Variants in PAPLN observed in about 807,000 individuals in gnomAD.
The protein encoded by PAPLN is papilin.
PAPLN carries 146 observed loss-of-function variants against 159.0 expected under a neutral mutation model. That is an observed-to-expected ratio of 0.92 (90% CI 0.80 to 1.05). The LOEUF is 1.05. Ranked by LOEUF, PAPLN falls within the 50% of genes least tolerant of loss-of-function variation. The pLI, the probability that PAPLN is intolerant of heterozygous loss-of-function variation, is 0.00. For synonymous variants in PAPLN, 734 were observed against 702.9 expected (o/e 1.04, Z -0.70); for missense variants, 1,720 against 1,743.9 (o/e 0.99, Z 0.24).
rs1883337378 is a variant in PAPLN at position 73,239,813 on chromosome 14, C to T, written c.35C>T (p.Ala12Val). The change falls in exon 2 of 27, where the codon GCT (alanine) becomes GTT (valine). Residue 12 changes from alanine (A) to valine (V), a missense_variant. By Grantham distance (64) the Ala-to-Val change is moderately conservative. Transcript: ENST00000644200. ...RLLLLVPLLL[A>V]PAPGSSAPKV... ...CTCCTGCTCGTGCCGCTGCTGCTGG[C>T]TCCAGCGCCCGGGTCCTCGGTGAGT... 6.3e-7 allele frequency: 1 copy of T among 1,593,802 alleles called. No individual in the cohort carries two copies. The highest frequency in any genetic ancestry group is 8.5e-7 in the Non-Finnish European group (1 of 1,175,878).
intron 5 of PAPLN, among the ~76,000 whole-genome samples, chr14:73,247,982 CTCTGTGTGTGTGTGTGTGTG>C (rs1182728598): frequency 1.5e-5 from 1 of 65,214 alleles, no homozygotes; most frequent in Non-Finnish European, 2.7e-5. Context: ...GTCTCATATC[CTCTGTGTGTGTGTGTGTGTG>C]TGTGTGTGTG....
chr14:73,254,356 A>G (rs1885641986), intron 12 of PAPLN, among the ~76,000 whole-genome samples, 157 bp from the exon 13 acceptor site: 1 of 152,142 alleles, frequency 6.6e-6, no homozygotes, highest in African/African-American at 2.4e-5. Flanking sequence ...AGGCTGTGTG[A>G]CCTCAGGGGA....
intron 6 of PAPLN, among the ~76,000 whole-genome samples, chr14:73,250,645 G>A (rs910191743): frequency 1.3e-5 from 2 of 152,118 alleles, no homozygotes; most frequent in Non-Finnish European, 2.9e-5. Context: ...ACCCACATTT[G>A]GGGAGCTCCG....
chr14:73,252,710 C>T lies in PAPLN; in HGVS notation c.1029C>T (p.Cys343=). ...ATGAGGCCTACCCCGACCACATGTG[C>T]CAGCGCCAGCCACGGCCAGCTGACC... ...IDHEAYPDHM[C]QRQPRPADRR... is the part of the protein sequence containing the mutation. Residue 343 remains cysteine, a synonymous_variant, in exon 11 of 27, where the codon TGC becomes TGT. Coordinates refer to ENST00000644200, the MANE Select transcript of PAPLN (RefSeq NM_001365906.3). 1 of 1,613,502 alleles carries T rather than the reference C, an allele frequency of 6.2e-7. No individual in the cohort carries two copies. The highest frequency in any genetic ancestry group is 8.5e-7 in the Non-Finnish European group (1 of 1,180,008).
In PAPLN at chr14:73,249,991, C is replaced by G; in HGVS notation, c.342C>G (p.Asn114Lys). The change falls in exon 6 of 27, where the codon AAC becomes AAG. Residue 114 changes from asparagine to lysine, a missense_variant. Asn to Lys is a moderately conservative substitution (Grantham distance 94). Transcript: ENST00000644200. Reference sequence around the variant, plus strand: ...CCTTCCTGCCCACCCCAGCCCCAAACAAGTGTGAACTGAACTGCATTCCCA... The same window carrying G: ...CCTTCCTGCCCACCCCAGCCCCAAAGAAGTGTGAACTGAACTGCATTCCCA... Reference protein sequence around the residue: ...YRWLPYYSAPNKCELNCIPKG... With the variant: ...YRWLPYYSAPKKCELNCIPKG... The G allele has an allele frequency of 6.2e-7, 1 of 1,606,186 alleles. No individual in the cohort carries two copies.
intron 23 of PAPLN, among the ~76,000 whole-genome samples, chr14:73,266,014 T>G (rs1373981600): frequency 6.6e-6 from 1 of 152,138 alleles, no homozygotes; most frequent in African/African-American, 2.4e-5. Context: ...ATCAGAAAAC[T>G]TGAAATGGTT....
Position 73,259,445 on chromosome 14 carries a change from G to A in PAPLN, c.1885G>A (p.Asp629Asn), listed in dbSNP as rs765414089. 4.4e-5 allele frequency: 71 copies of A among 1,612,430 alleles called. No homozygotes were observed. In the East Asian group the frequency reaches 5.1e-4, roughly 12 times the overall value. The change falls in exon 16 of 27, where the codon GAC becomes AAC. Residue 629 changes from aspartate to asparagine, a missense_variant. Physicochemically the swap from Asp to Asn is conservative, Grantham distance 23. Coordinates refer to ENST00000644200, the MANE Select transcript of PAPLN (RefSeq NM_001365906.3). Reference sequence around the variant, plus strand: ...CCTGCGGTCGGGCTCAGGGCCCCACGACTGCAGACACAGTCCTCACGGGTG... The same window carrying A: ...CCTGCGGTCGGGCTCAGGGCCCCACAACTGCAGACACAGTCCTCACGGGTG... ...QPLRSGSGPHDCRHSPHGCCP... is the reference protein window; with the variant it reads ...QPLRSGSGPHNCRHSPHGCCP...
intron 26 of PAPLN, among the ~76,000 whole-genome samples, chr14:73,269,524 G>T (rs1358606401): frequency 6.6e-6 from 1 of 152,204 alleles, no homozygotes; most frequent in East Asian, 1.9e-4. Context: ...ACCAACTTGA[G>T]AGATGTGAAA....
Position 73,251,815 on chromosome 14 carries a change from C to T in PAPLN, c.822C>T (p.Thr274=). 7 of 1,597,294 alleles carry T rather than the reference C, an allele frequency of 4.4e-6. No homozygotes were observed. Among genetic ancestry groups the T allele is most frequent in the African/African-American group, 1.4e-5 (1 of 73,876 alleles). Residue 274 remains threonine, a synonymous_variant, in exon 9 of 27, where the codon ACC becomes ACT. Coordinates refer to ENST00000644200, the MANE Select transcript of PAPLN (RefSeq NM_001365906.3). ...APERLHARGP[T]SEPLVIELIS... is the part of the protein sequence containing the mutation. ...AGCGACTCCATGCCCGGGGCCCCAC[C>T]TCGGAGCCCCTGGTCATCGAGGTAA...
chr14:73,251,688 A>G lies in PAPLN; in HGVS notation c.695A>G (p.Tyr232Cys). ...GCTGTGAAGAATGTTCGTGGGGAATACTACCTCAATGGGCACTGGACCATC... is the reference window on the plus strand; with the variant it reads ...GCTGTGAAGAATGTTCGTGGGGAATGCTACCTCAATGGGCACTGGACCATC... Reference protein sequence around the residue: ...FLAVKNVRGEYYLNGHWTIEA... With the variant: ...FLAVKNVRGECYLNGHWTIEA... The change falls in exon 9 of 27, where the codon TAC (tyrosine) becomes TGC (cysteine). Residue 232 changes from tyrosine (Y) to cysteine (C), a missense_variant. Transcript: ENST00000644200. The G allele has an allele frequency of 6.2e-7, 1 of 1,613,444 alleles. No individual in the cohort carries two copies. Among genetic ancestry groups the G allele is most frequent in the Non-Finnish European group, 8.5e-7 (1 of 1,179,996 alleles).
Position 73,272,713 on chromosome 14 carries a change from G to C in PAPLN, c.*49G>C. 6.9e-7 allele frequency: 1 copy of C among 1,441,164 alleles called. No individual in the cohort carries two copies. The highest frequency in any genetic ancestry group is 9.2e-7 in the Non-Finnish European group (1 of 1,082,000). The allele number at this position is 1,441,164 out of a possible 1,614,324, so 89.3% of individuals were successfully genotyped here. On this transcript the variant is annotated 3_prime_UTR_variant, in exon 27 of 27. Transcript: ENST00000644200. ...AGTCCAAAATAGTTCATAGGGCTAGGGAGAAAGGAAGATGGACTCTTGGCT... is the reference window on the plus strand; with the variant it reads ...AGTCCAAAATAGTTCATAGGGCTAGCGAGAAAGGAAGATGGACTCTTGGCT...
rs1194318917 is a variant in PAPLN at position 73,246,727 on chromosome 14, CTCAA to C, written c.334+559_334+562del. On this transcript the variant is annotated intron_variant, in intron 5 of 26. Transcript: ENST00000644200. The stretch of plus-strand genomic sequence containing the variant: ...AGCTGGGCAGCATGTACCTCCCAAG[CTCAA>C]TCAATCCTTCCACCTCAGCCTCCCA... The C allele has an allele frequency of 2.0e-5, 3 of 148,938 alleles. No individual in the cohort carries two copies. In the Admixed American group the frequency reaches 2.0e-4, roughly 10 times the overall value. The allele number at this position is 148,938 out of a possible 1,614,324, so 9.2% of individuals were successfully genotyped here.
chr14:73,263,767 C>T lies in PAPLN; in HGVS notation c.2846C>T (p.Pro949Leu). The T allele has an allele frequency of 6.2e-7, 1 of 1,604,486 alleles. No homozygotes were observed. ...GCTGCCTGGCAGAAAGATGGCCAGCCCATCTCCTCTGACAGGTGGGTGAGA... is the reference window on the plus strand; with the variant it reads ...GCTGCCTGGCAGAAAGATGGCCAGCTCATCTCCTCTGACAGGTGGGTGAGA... ...SQAAWQKDGQPISSDRHRLQF... is the reference protein window; with the variant it reads ...SQAAWQKDGQLISSDRHRLQF... The change falls in exon 20 of 27, where the codon CCC becomes CTC. Residue 949 changes from proline to leucine, a missense_variant. Physicochemically the swap from Pro to Leu is moderately conservative, Grantham distance 98. Transcript: ENST00000644200.
At chr14:73,238,579 G>T (rs1883208936) in intron 1 of PAPLN, among the ~76,000 whole-genome samples, 1 of 152,208 alleles carries the variant, frequency 6.6e-6, no homozygotes, top group Non-Finnish European at 1.5e-5. Flanking sequence ...AGCCTCGCCC[G>T]CCCTAGCAGG....
Position 73,272,459 on chromosome 14 carries a change from T to C in PAPLN, c.3668-36T>C, listed in dbSNP as rs773609471. The stretch of plus-strand genomic sequence containing the variant: ...GAGAATTTTCAGCATACACAGAGCT[T>C]CCTCACCACCTTCTCTCTCCCCTGT... On this transcript the variant is annotated intron_variant, in intron 26 of 26. Transcript: ENST00000644200. 3.4e-6 allele frequency: 5 copies of C among 1,478,364 alleles called. 1 individual carries two copies. In the South Asian group the frequency reaches 7.0e-5, roughly 21 times the overall value. 91.6% of individuals were successfully genotyped at this position (1,478,364 alleles called of 1,614,324 possible). A position where few individuals can be genotyped will look rare whatever the true frequency, so the allele number is the denominator to read the frequency against.
Position 73,268,602 on chromosome 14 carries a change from C to T in PAPLN, c.3546C>T (p.Ser1182=). ...VQADGHRVHQ[S]PDGTLLIYNL... Reference sequence around the variant, plus strand: ...CTGATGGCCACCGTGTCCACCAGTCCCCAGATGGCACGCTGCTCATTTACA... The same window carrying T: ...CTGATGGCCACCGTGTCCACCAGTCTCCAGATGGCACGCTGCTCATTTACA... Residue 1182 remains serine, a synonymous_variant, in exon 26 of 27, where the codon TCC becomes TCT. Transcript: ENST00000644200. 6.2e-7 allele frequency: 1 copy of T among 1,613,934 alleles called. No individual in the cohort carries two copies. Among genetic ancestry groups the T allele is most frequent in the Non-Finnish European group, 8.5e-7 (1 of 1,179,900 alleles).
intron 14 of PAPLN, among the ~76,000 whole-genome samples, 167 bp downstream of exon 14, chr14:73,255,185 C>T (rs1885762209): frequency 6.6e-6 from 1 of 152,198 alleles, no homozygotes; most frequent in Admixed American, 6.5e-5. Flanking sequence ...TCTCTAAGGC[C>T]CACCTGGTGT....
Position 73,273,824 on chromosome 14 carries a change from A to AT in PAPLN, c.*1161dup, listed in dbSNP as rs1887941080. 1 of 152,276 alleles carries AT rather than the reference A, an allele frequency of 6.6e-6. No homozygotes were observed. Among genetic ancestry groups the AT allele is most frequent in the Admixed American group, 6.5e-5 (1 of 15,284 alleles). The allele number at this position is 152,276 out of a possible 1,614,324, so 9.4% of individuals were successfully genotyped here. On this transcript the variant is annotated 3_prime_UTR_variant, in exon 27 of 27. Coordinates refer to ENST00000644200, the MANE Select transcript of PAPLN (RefSeq NM_001365906.3). ...AAATCTGGTGCAGAGGGTTAACAGC[A>AT]TAACCCTTGTTGGCAAAATGGAATA...
At chr14:73,252,882 C>T (rs1885454292) in intron 11 of PAPLN, 107 bp downstream of exon 11, 3 of 1,518,298 alleles carry the variant, frequency 2.0e-6, no homozygotes, top group Non-Finnish European at 2.7e-6. Context: ...GGTGGGGGTC[C>T]AGGGCCCCCC....
Sources: allele counts gnomAD v4.1 joint callset (sites outside exome capture counted in the v4.1 genomes callset), GRCh38; gene constraint gnomAD v4.1.1; transcripts MANE v1.5; gene names NCBI Gene and HGNC (gene_info 2026-07-23, HGNC 2026-07-21).